Variants in PPM1L observed in about 807,000 individuals in gnomAD.
The protein encoded by PPM1L is protein phosphatase 1L.
PPM1L carries 13 observed loss-of-function variants against 31.4 expected under a neutral mutation model. The ratio of observed to expected loss-of-function variants is 0.41; its 90% CI spans 0.27 to 0.66. The LOEUF (loss-of-function observed/expected upper bound fraction) is 0.66. Among genes scored for constraint, PPM1L ranks in the 30% least tolerant of loss-of-function variants. The probability of loss-of-function intolerance (pLI) is 0.29; values close to 1 mark genes in which losing one functional copy is unlikely to be tolerated. For synonymous variants in PPM1L, 184 were observed against 175.4 expected (o/e 1.05, Z -0.39); for missense variants, 326 against 453.7 (o/e 0.72, Z 2.56).
At chr3:160,796,299 G>C (rs1379474978) in intron 1 of PPM1L, among the ~76,000 whole-genome samples, 1 of 152,154 alleles carries the variant, frequency 6.6e-6, no homozygotes, top group Non-Finnish European at 1.5e-5. Context: ...CAGAGGGCTG[G>C]AGGTTAGGTG....
intron 1 of PPM1L, among the ~76,000 whole-genome samples, chr3:160,801,128 T>TACACACACACACAC (rs10575984): frequency 6.9e-6 from 1 of 145,590 alleles, no homozygotes; most frequent in Non-Finnish European, 1.5e-5. Context: ...TGTTTAGTGA[T>TACACACACACACAC]ACACACACAC....
At chr3:161,049,899 C>G (rs370970525) in intron 2 of PPM1L, among the ~76,000 whole-genome samples, 41 of 152,308 alleles carry the variant, frequency 2.7e-4, no homozygotes, top group African/African-American at 9.4e-4. Context: ...ACCAGCTGTT[C>G]TAGAGCTGGC....
intron 2 of PPM1L, among the ~76,000 whole-genome samples, chr3:161,052,844 G>A (rs1415355269): frequency 4.6e-5 from 7 of 152,196 alleles, no homozygotes; most frequent in Admixed American, 1.3e-4. Context: ...AGTACCAGAT[G>A]CTTCAGACTG....
rs753943641 is a variant in PPM1L, at chr3:160,920,660, CACACACAT to C, written c.400-41074_400-41067del. On this transcript the variant is annotated intron_variant, in intron 1 of 3. Coordinates refer to ENST00000498165, the MANE Select transcript of PPM1L (RefSeq NM_139245.4). The stretch of plus-strand genomic sequence containing the variant: ...ACACTCACACACACACACACACACA[CACACACAT>C]ATTAAAGATCTGAGAGTATTTGTTT... 2.7e-3 allele frequency among the ~76,000 whole-genome samples: 406 copies of C among 149,090 alleles called. 1 individual carries two copies. Among genetic ancestry groups the C allele is most frequent in the South Asian group, 4.8e-3 (22 of 4,580 alleles).
intron 1 of PPM1L, among the ~76,000 whole-genome samples, chr3:160,881,117 T>G (rs1177720451): frequency 6.6e-6 from 1 of 152,232 alleles, no homozygotes; most frequent in Non-Finnish European, 1.5e-5. Flanking sequence ...GGTAATATTC[T>G]TCTAACTTAA....
intron 1 of PPM1L, among the ~76,000 whole-genome samples, chr3:160,807,088 A>C (rs559937902): frequency 6.6e-6 from 1 of 152,370 alleles, no homozygotes; most frequent in East Asian, 1.9e-4. Flanking sequence ...TCCAGTGTGC[A>C]GCCAAAGTTG....
At chr3:160,793,178 C>G (rs1490689816) in intron 1 of PPM1L, among the ~76,000 whole-genome samples, 1 of 152,102 alleles carries the variant, frequency 6.6e-6, no homozygotes, top group Non-Finnish European at 1.5e-5. Flanking sequence ...AAGGAAGTCA[C>G]TACATGCTGC....
intron 1 of PPM1L, among the ~76,000 whole-genome samples, chr3:160,887,674 A>AGGTTCACCCCATTCTCCTGCCTCAGC (rs1712965008): frequency 1.4e-5 from 2 of 147,328 alleles, no homozygotes; most frequent in African/African-American, 5.0e-5. Context: ...TCCACCTCCC[A>AGGTTCACCCCATTCTCCTGCCTCAGC]GGTTCACCCC....
At chr3:160,796,747 T>C (rs1712260779) in intron 1 of PPM1L, among the ~76,000 whole-genome samples, 1 of 152,316 alleles carries the variant, frequency 6.6e-6, no homozygotes, top group Non-Finnish European at 1.5e-5. Context: ...GAAACAGATG[T>C]ATAAATTGGT....
intron 1 of PPM1L, among the ~76,000 whole-genome samples, chr3:160,902,190 T>G (rs1713567272): frequency 6.6e-6 from 1 of 152,130 alleles, no homozygotes; most frequent in Non-Finnish European, 1.5e-5. Flanking sequence ...ATTTATTGAG[T>G]CTGATTACAA....
intron 1 of PPM1L, among the ~76,000 whole-genome samples, chr3:160,947,518 C>T (rs1715446771): frequency 6.6e-6 from 1 of 152,106 alleles, no homozygotes; most frequent in Non-Finnish European, 1.5e-5. Flanking sequence ...CCTCTTCTCC[C>T]CATTCCTCCT....
intron 1 of PPM1L, among the ~76,000 whole-genome samples, chr3:160,851,710 T>G (rs1711529718): frequency 1.3e-5 from 2 of 152,018 alleles, no homozygotes; most frequent in Admixed American, 6.6e-5. Context: ...AGTAGGGGCA[T>G]TAGTTATCTA....
At chr3:160,907,447 C>T (rs138620396) in intron 1 of PPM1L, among the ~76,000 whole-genome samples, 1 of 152,238 alleles carries the variant, frequency 6.6e-6, no homozygotes, top group African/African-American at 2.4e-5. Context: ...TTTATCATAA[C>T]ATTATTTTTA....
intron 1 of PPM1L, among the ~76,000 whole-genome samples, chr3:160,774,924 A>G (rs905175303): frequency 1.3e-5 from 2 of 152,234 alleles, no homozygotes; most frequent in African/African-American, 4.8e-5. Context: ...TTCCAGTGAT[A>G]ATGATACCTT....
intron 2 of PPM1L, among the ~76,000 whole-genome samples, chr3:161,020,124 CAAA>C (rs11363095): frequency 8.7e-5 from 10 of 115,394 alleles, no homozygotes; most frequent in Admixed American, 1.8e-4. Context: ...GACTCCACCT[CAAA>C]AAAAAAAAAA....
At chr3:161,044,346 GTATTTATTTATTTATT>G (rs66461506) in intron 2 of PPM1L, among the ~76,000 whole-genome samples, 13 of 143,334 alleles carry the variant, frequency 9.1e-5, no homozygotes, top group South Asian at 4.6e-4. Context: ...GGCCTGCCCT[GTATTTATTTATTTATT>G]TATTTATTTA....
intron 2 of PPM1L, among the ~76,000 whole-genome samples, chr3:160,998,654 A>G (rs1018765659): frequency 9.8e-5 from 15 of 152,310 alleles, no homozygotes; most frequent in Admixed American, 6.5e-4. Context: ...ATTGAACAAG[A>G]GTAAATAAAT....
At chr3:160,975,386 G>A (rs552208848) in intron 2 of PPM1L, among the ~76,000 whole-genome samples, 51 of 152,280 alleles carry the variant, frequency 3.3e-4, no homozygotes, top group Non-Finnish European at 5.0e-4. Context: ...GAACTTTAAA[G>A]TAGTTTTTTC....
At position 161,077,588 on chromosome 3, in the gene PPM1L, G is replaced by C. The variant is rs1720145632; in HGVS notation, c.*8431G>C. 1 of 152,206 alleles carries C rather than the reference G, an allele frequency of 6.6e-6. No individual in the cohort carries two copies. Among genetic ancestry groups the C allele is most frequent in the Non-Finnish European group, 1.5e-5 (1 of 68,036 alleles). 9.4% of individuals were successfully genotyped at this position (152,206 alleles called of 1,614,324 possible). ...TAATAACCTTATGCCCCCAAAGACA[G>C]CCCAGAACTGAGTATCTTCAGTGTT... On this transcript the variant is annotated 3_prime_UTR_variant, in exon 4 of 4. Transcript: ENST00000498165.
Sources: allele counts gnomAD v4.1 joint callset (sites outside exome capture counted in the v4.1 genomes callset), GRCh38; gene constraint gnomAD v4.1.1; transcripts MANE v1.5; gene names NCBI Gene and HGNC (gene_info 2026-07-23, HGNC 2026-07-21).